The following PTPRT variants were observed in gnomAD, a reference collection of about 807,000 sequenced individuals.
The protein encoded by PTPRT is receptor-type tyrosine-protein phosphatase T.
In PTPRT, 56 loss-of-function variants were observed where a neutral mutation model predicts 176.8. That is an observed-to-expected ratio of 0.32 (90% CI 0.26 to 0.40). The LOEUF (loss-of-function observed/expected upper bound fraction) is 0.40. PTPRT is among the 10% of genes least tolerant of loss of function. PTPRT has a pLI of 1.00. For missense variants in PTPRT, 1,540 were observed against 1,908.2 expected, an observed-to-expected ratio of 0.81 and a Z score of 3.60; for synonymous variants, 783 against 739.0, an observed-to-expected ratio of 1.06 and a Z score of -0.96.
intron 7 of PTPRT, among the ~76,000 whole-genome samples, chr20:42,634,325 C>T (rs1478211242): frequency 6.7e-6 from 1 of 148,648 alleles, no homozygotes; most frequent in East Asian, 2.0e-4. Flanking sequence ...AGTTGGTGCA[C>T]TACCCCCTAT....
chr20:42,040,072 C>T, the PTPRT span, among the ~76,000 whole-genome samples: 3 of 152,032 alleles, frequency 2.0e-5, no homozygotes, highest in East Asian at 1.9e-4. Context: ...CAAAAGTTCC[C>T]TTTTTTTTCC....
intron 6 of PTPRT, among the ~76,000 whole-genome samples, chr20:42,698,370 C>T (rs986155600): frequency 6.6e-6 from 1 of 152,170 alleles, no homozygotes; most frequent in Non-Finnish European, 1.5e-5. Flanking sequence ...TTAATGCTTA[C>T]AGGACCCCTC....
At chr20:42,347,593 G>A (rs985024373) in intron 11 of PTPRT, among the ~76,000 whole-genome samples, 1 of 152,090 alleles carries the variant, frequency 6.6e-6, no homozygotes, top group Non-Finnish European at 1.5e-5. Context: ...AAGGAATGGG[G>A]ATAGTTTAAT....
intron 25 of PTPRT, among the ~76,000 whole-genome samples, chr20:42,103,119 T>C (rs1986106626): frequency 1.3e-5 from 2 of 152,250 alleles, no homozygotes; most frequent in Non-Finnish European, 2.9e-5. Flanking sequence ...TACCTGGTTC[T>C]CAGCTCCTGT....
chr20:42,591,037 A>G (rs1569000300), intron 7 of PTPRT, among the ~76,000 whole-genome samples: 1 of 151,844 alleles, frequency 6.6e-6, no homozygotes, highest in Non-Finnish European at 1.5e-5. Context: ...TATATACACC[A>G]AGATAATATC....
intron 6 of PTPRT, among the ~76,000 whole-genome samples, chr20:42,733,023 G>T (rs1010626059): frequency 6.6e-6 from 1 of 152,108 alleles, no homozygotes; most frequent in Non-Finnish European, 1.5e-5. Flanking sequence ...TATCTCGAGA[G>T]GCCTTCTCAG....
At chr20:42,335,646 T>A (rs1045854854) in intron 11 of PTPRT, among the ~76,000 whole-genome samples, 11 of 152,292 alleles carry the variant, frequency 7.2e-5, no homozygotes, top group Non-Finnish European at 1.6e-4. Flanking sequence ...AATTTGAGAA[T>A]TTTTTTGAGG....
chr20:42,601,505 T>C (rs1405611458), intron 7 of PTPRT, among the ~76,000 whole-genome samples: 1 of 152,172 alleles, frequency 6.6e-6, no homozygotes, highest in Non-Finnish European at 1.5e-5. Flanking sequence ...TGAGGCTCAG[T>C]AAATTAATCT....
chr20:42,879,733 ATGTGTGTG>A (rs11468460), intron 2 of PTPRT, among the ~76,000 whole-genome samples: 6 of 149,076 alleles, frequency 4.0e-5, no homozygotes, highest in African/African-American at 1.5e-4. Context: ...GTTGGGTGAA[ATGTGTGTG>A]TGTGTGTGTG....
At chr20:42,446,580 A>ATGTGTGTGTGTGTGTG (rs372328206) in intron 9 of PTPRT, among the ~76,000 whole-genome samples, 11 of 139,478 alleles carry the variant, frequency 7.9e-5, no homozygotes, top group African/African-American at 3.1e-4. Context: ...TTTCATGTAA[A>ATGTGTGTGTGTGTGTG]TGTGTGTGTG....
intron 9 of PTPRT, among the ~76,000 whole-genome samples, chr20:42,416,786 C>T (rs1005805384): frequency 2.6e-5 from 4 of 152,108 alleles, no homozygotes; most frequent in Non-Finnish European, 5.9e-5. Context: ...ATGATTAAGA[C>T]AAGCAATGTG....
chr20:42,340,760 T>A lies in PTPRT; in HGVS notation c.1865+9868A>T, dbSNP rs117481095. ...GACAGAGACCGAGAGCCATCGGTTA[T>A]CAGCTGTGCAAGATCTGAGACAAAG... On this transcript the variant is annotated intron_variant, in intron 11 of 30. Transcript: ENST00000373187. Among the ~76,000 whole-genome samples the A allele has an allele frequency of 1.1e-4, 16 of 151,916 alleles. No homozygotes were observed. The East Asian group carries it at 3.1e-3, about 30-fold the overall frequency.
At chr20:42,359,040 G>C (rs6102799) in intron 9 of PTPRT, among the ~76,000 whole-genome samples, 39,756 of 152,114 alleles carry the variant, frequency 0.26, 5,798 homozygotes, top group East Asian at 0.67. Flanking sequence ...CGTGTGGTTT[G>C]CAGATAAACA....
At chr20:42,344,027 C>T (rs369324514) in intron 11 of PTPRT, among the ~76,000 whole-genome samples, 41 of 152,330 alleles carry the variant, frequency 2.7e-4, no homozygotes, top group African/African-American at 9.4e-4. Flanking sequence ...AGCCTCTCAA[C>T]TAGCTGGAAT....
At chr20:42,239,966 T>A (rs1046249755) in intron 14 of PTPRT, among the ~76,000 whole-genome samples, 1 of 152,154 alleles carries the variant, frequency 6.6e-6, no homozygotes, top group African/African-American at 2.4e-5. Context: ...AAGGCCTCCA[T>A]CCTGAGCTGG....
chr20:42,334,118 TAC>T (rs1259327395), intron 11 of PTPRT, among the ~76,000 whole-genome samples: 3 of 152,188 alleles, frequency 2.0e-5, no homozygotes, highest in African/African-American at 7.2e-5. Context: ...CTGTGAATCA[TAC>T]ATTTTTTTAA....
chr20:43,002,072 A>C (rs979897697), intron 1 of PTPRT, among the ~76,000 whole-genome samples: 1 of 152,078 alleles, frequency 6.6e-6, no homozygotes, highest in African/African-American at 2.4e-5. Context: ...AGTGAGTCTC[A>C]CGAGATCTGA....
At position 42,128,908 on chromosome 20, in the gene PTPRT, T is replaced by C. The variant is rs534192154; in HGVS notation, c.2771-78A>G. 3.1e-5 allele frequency: 38 copies of C among 1,226,130 alleles called. No individual in the cohort carries two copies. In the East Asian group the frequency reaches 7.6e-4, roughly 25 times the overall value. 76.0% of individuals were successfully genotyped at this position (1,226,130 alleles called of 1,614,324 possible). On this transcript the variant is annotated intron_variant, in intron 18 of 30. Transcript: ENST00000373187. ...TAATGTCCTCCTTTAGAACTACTGTTTATTAATGACTGCATATCAGGCATT... is the reference window on the plus strand; with the variant it reads ...TAATGTCCTCCTTTAGAACTACTGTCTATTAATGACTGCATATCAGGCATT...
chr20:42,908,431 C>T (rs2079506175), intron 1 of PTPRT, among the ~76,000 whole-genome samples: 1 of 152,038 alleles, frequency 6.6e-6, no homozygotes, highest in South Asian at 2.1e-4. Context: ...CAGCAAATAC[C>T]ACAAACACTG....
Sources: gnomAD v4.1 joint callset for allele counts (sites outside exome capture counted in the v4.1 genomes callset) on GRCh38, gnomAD v4.1.1 for gene constraint, MANE v1.5 for transcripts, NCBI Gene and HGNC (gene_info 2026-07-23, HGNC 2026-07-21) for gene names.